The following EBF1 variants were observed in gnomAD, a reference collection of about 807,000 sequenced individuals.
EBF1 encodes the protein transcription factor COE1.
In EBF1, 10 loss-of-function variants were observed where a neutral mutation model predicts 68.4. The ratio of observed to expected loss-of-function variants is 0.15; its 90% CI spans 0.09 to 0.25. EBF1 has a LOEUF of 0.25. Ranked by LOEUF, EBF1 falls within the 10% of genes least tolerant of loss-of-function variation. EBF1 has a pLI of 1.00. For missense variants in EBF1, 509 were observed against 794.4 expected (o/e 0.64, Z 4.32); for synonymous variants, 298 against 299.8 (o/e 0.99, Z 0.06).
chr5:158,893,717 TA>T (rs1454358799), intron 6 of EBF1, among the ~76,000 whole-genome samples: 1 of 152,134 alleles, frequency 6.6e-6, no homozygotes, highest in Non-Finnish European at 1.5e-5. Flanking sequence ...GCTTCAAACT[TA>T]AAACACATTT....
At chr5:158,730,115 A>G (rs1156741321) in intron 11 of EBF1, among the ~76,000 whole-genome samples, 1 of 152,278 alleles carries the variant, frequency 6.6e-6, no homozygotes, top group East Asian at 1.9e-4. Context: ...GGCAAGAAAG[A>G]GTCCTTGAAA....
chr5:158,801,265 T>C (rs545575366), intron 8 of EBF1, among the ~76,000 whole-genome samples: 2 of 152,236 alleles, frequency 1.3e-5, no homozygotes, highest in East Asian at 3.9e-4. Context: ...ACTCCACAAA[T>C]AAAAGCTCTT....
chr5:158,840,643 CTGTTTTTTTTTTTTTTTTTTTTTTTTTT>C (rs1203414809), intron 6 of EBF1, among the ~76,000 whole-genome samples: 62 of 110,194 alleles, frequency 5.6e-4, no homozygotes, highest in East Asian at 2.4e-3. Flanking sequence ...CAAATACCTC[CTGTTTTTTTTTTTTTTTTTTTTTTTTTT>C]TGTTTTTTTT....
chr5:159,081,360 T>A (rs1256378956), intron 5 of EBF1, among the ~76,000 whole-genome samples: 1 of 152,252 alleles, frequency 6.6e-6, no homozygotes, highest in Non-Finnish European at 1.5e-5. Context: ...TCTCTTATTA[T>A]GTCTAATTTA....
intron 6 of EBF1, among the ~76,000 whole-genome samples, chr5:158,857,696 A>C (rs1043093255): frequency 2.0e-5 from 3 of 152,180 alleles, no homozygotes; most frequent in Admixed American, 6.5e-5. Flanking sequence ...CTAAAAATGG[A>C]GACGGGGAAA....
intron 6 of EBF1, among the ~76,000 whole-genome samples, chr5:159,057,520 G>T (rs1584319332): frequency 6.6e-6 from 1 of 152,168 alleles, no homozygotes; most frequent in African/African-American, 2.4e-5. Context: ...GAAAAGACAC[G>T]TTGTACCCTT....
At position 158,804,926 on chromosome 5, in the gene EBF1, A is replaced by G. The variant is rs143807915; in HGVS notation, c.779-8451T>C. On this transcript the variant is annotated intron_variant, in intron 8 of 15. Transcript: ENST00000313708. ...GTCATGGAGGGTAAGAGAATTTTCA[A>G]AATGAATTATTCATGGATCCAATTG... Among the ~76,000 whole-genome samples, 161 of 152,238 alleles carry G rather than the reference A, an allele frequency of 1.1e-3. 1 individual carries two copies. Among genetic ancestry groups the G allele is most frequent in the African/African-American group, 3.8e-3 (156 of 41,562 alleles).
chr5:158,815,580 G>T (rs911311601), intron 8 of EBF1, among the ~76,000 whole-genome samples: 2 of 152,120 alleles, frequency 1.3e-5, no homozygotes, highest in Non-Finnish European at 2.9e-5. Flanking sequence ...TACCTGGCCT[G>T]GTTACTGTCA....
chr5:158,913,591 A>G (rs1806480007), intron 6 of EBF1, among the ~76,000 whole-genome samples: 1 of 152,128 alleles, frequency 6.6e-6, no homozygotes, highest in African/African-American at 2.4e-5. Flanking sequence ...CAACTGAAGC[A>G]TTAACTGGAC....
In EBF1 at chr5:158,982,347, AAC is replaced by A. The variant is rs1434445986; in HGVS notation, c.554+91047_554+91048del. On this transcript the variant is annotated intron_variant, in intron 6 of 15. Transcript: ENST00000313708. ...AGGTGCAGATTTACCAAGGCTTAAA[AAC>A]ACAGATGAAAAGGATGCACTTGGGC... 2.6e-5 allele frequency among the ~76,000 whole-genome samples: 4 copies of A among 152,370 alleles called. No homozygotes were observed. The South Asian group carries it at 6.2e-4, about 24-fold the overall frequency.
intron 6 of EBF1, among the ~76,000 whole-genome samples, chr5:159,054,207 C>G (rs991977518): frequency 6.6e-6 from 1 of 152,048 alleles, no homozygotes; most frequent in Non-Finnish European, 1.5e-5. Flanking sequence ...AACACTTGAT[C>G]CTGCTTAAAG....
chr5:158,775,943 C>T lies in EBF1; in HGVS notation c.1036+1470G>A, dbSNP rs146021126. Reference sequence around the variant, plus strand: ...CAAAACTTACGCTGAACCAATGAGCCTAATTAAAAACACTTGGCCTACTTC... The same window carrying T: ...CAAAACTTACGCTGAACCAATGAGCTTAATTAAAAACACTTGGCCTACTTC... On this transcript the variant is annotated intron_variant, in intron 10 of 15. Coordinates refer to ENST00000313708, the MANE Select transcript of EBF1 (RefSeq NM_024007.5). Among the ~76,000 whole-genome samples the T allele has an allele frequency of 1.0e-3, 159 of 152,216 alleles. 1 individual carries two copies. Among genetic ancestry groups the T allele is most frequent in the African/African-American group, 3.6e-3 (150 of 41,542 alleles).
chr5:158,869,739 T>C (rs566405714), intron 6 of EBF1, among the ~76,000 whole-genome samples: 25 of 152,326 alleles, frequency 1.6e-4, no homozygotes, highest in Middle Eastern at 6.8e-3. Flanking sequence ...GAATCATGCA[T>C]GACATATTCA....
At chr5:158,991,281 C>A (rs1043418011) in intron 6 of EBF1, among the ~76,000 whole-genome samples, 1 of 152,124 alleles carries the variant, frequency 6.6e-6, no homozygotes. Context: ...TTGATGACAT[C>A]ATAGGCCATT....
chr5:158,969,393 C>A (rs1263777566), intron 6 of EBF1, among the ~76,000 whole-genome samples: 1 of 152,052 alleles, frequency 6.6e-6, no homozygotes, highest in Non-Finnish European at 1.5e-5. Context: ...ATCCCATGTG[C>A]CTTCCTGGTC....
intron 6 of EBF1, among the ~76,000 whole-genome samples, chr5:159,068,583 T>C (rs1272379831): frequency 6.6e-6 from 1 of 152,184 alleles, no homozygotes; most frequent in East Asian, 1.9e-4. Context: ...TTACACCTCT[T>C]AGAAAAAGAA....
intron 6 of EBF1, among the ~76,000 whole-genome samples, chr5:158,910,563 A>AT (rs1157686905): frequency 6.6e-6 from 1 of 152,198 alleles, no homozygotes; most frequent in Non-Finnish European, 1.5e-5. Flanking sequence ...AGCAAAGATG[A>AT]TTTTTTTAAA....
At chr5:158,809,287 A>G (rs1782171038) in intron 8 of EBF1, among the ~76,000 whole-genome samples, 1 of 152,200 alleles carries the variant, frequency 6.6e-6, no homozygotes, top group Non-Finnish European at 1.5e-5. Flanking sequence ...TACAAATGAC[A>G]TAGCTGAATC....
At chr5:159,003,353 A>T (rs1348296927) in intron 6 of EBF1, among the ~76,000 whole-genome samples, 1 of 152,176 alleles carries the variant, frequency 6.6e-6, no homozygotes, top group African/African-American at 2.4e-5. Context: ...TTGGGTGGTA[A>T]TGTGCTAATG....
Sources: gnomAD v4.1 joint callset for allele counts (sites outside exome capture counted in the v4.1 genomes callset) on GRCh38, gnomAD v4.1.1 for gene constraint, MANE v1.5 for transcripts, NCBI Gene and HGNC (gene_info 2026-07-23, HGNC 2026-07-21) for gene names.